Variants in CTXND1 observed in about 807,000 individuals in gnomAD.
The protein encoded by CTXND1 is cortexin domain containing 1, also known as cortexin domain-containing 1 protein.
At chr15:80,225,494 A>G (rs953742253) in intron 1 of CTXND1, among the ~76,000 whole-genome samples, 5 of 152,210 alleles carry the variant, frequency 3.3e-5, no homozygotes, top group African/African-American at 1.2e-4. Context: ...CAGATAGCGA[A>G]TCTTATGGAT....
intron 1 of CTXND1, among the ~76,000 whole-genome samples, chr15:80,238,492 T>G (rs967362201): frequency 6.6e-6 from 1 of 151,564 alleles, no homozygotes; most frequent in Non-Finnish European, 1.5e-5. Flanking sequence ...GTTTGTTTTT[T>G]TTTTTTTTTT....
At chr15:80,226,594 T>A (rs769657509) in intron 1 of CTXND1, among the ~76,000 whole-genome samples, 43 of 152,038 alleles carry the variant, frequency 2.8e-4, no homozygotes, top group Non-Finnish European at 4.9e-4. Context: ...CAAATTGAAT[T>A]CTCCACTTTC....
intron 1 of CTXND1, among the ~76,000 whole-genome samples, chr15:80,229,386 T>C (rs1039200596): frequency 1.3e-5 from 2 of 152,346 alleles, no homozygotes; most frequent in Admixed American, 1.3e-4. Context: ...GCAGTGTGTC[T>C]AAATGTGTGA....
intron 2 of CTXND1, among the ~76,000 whole-genome samples, chr15:80,202,740 C>G (rs983802677): frequency 2.0e-5 from 3 of 152,198 alleles, no homozygotes; most frequent in Admixed American, 6.5e-5. Flanking sequence ...GTCTATATCC[C>G]CTTCCCTGCT....
rs1469893887 is a variant in CTXND1, at chr15:80,220,130, CTATCTATCTATCTATCATCTATCT to C, written c.-217-16414_-217-16391del. 1.4e-3 allele frequency among the ~76,000 whole-genome samples: 158 copies of C among 112,492 alleles called. 1 individual carries two copies. Among genetic ancestry groups the C allele is most frequent in the African/African-American group, 4.5e-3 (131 of 28,850 alleles). 73.8% of individuals were successfully genotyped at this position (112,492 alleles called of 152,430 possible). A position where few individuals can be genotyped will look rare whatever the true frequency, so the allele number is the denominator to read the frequency against. On this transcript the variant is annotated intron_variant, in intron 1 of 2. Coordinates refer to ENST00000560778, the MANE Select transcript of CTXND1 (RefSeq NM_001352888.2). The stretch of plus-strand genomic sequence containing the variant: ...TCTATCTATCTATCTATCTATCTAT[CTATCTATCTATCTATCATCTATCT>C]ATCTATCTATCTATCTATTTATCTA...
intron 1 of CTXND1, among the ~76,000 whole-genome samples, chr15:80,241,355 T>G (rs930696806): frequency 6.6e-6 from 1 of 152,180 alleles, no homozygotes; most frequent in African/African-American, 2.4e-5. Flanking sequence ...ACGCTGGGCT[T>G]CTCAAATGAA....
rs570599234 is a variant in CTXND1 at position 80,226,320 on chromosome 15, C to T, written c.-217-22580G>A. On this transcript the variant is annotated intron_variant, in intron 1 of 2. Coordinates refer to ENST00000560778, the MANE Select transcript of CTXND1 (RefSeq NM_001352888.2). ...TCTGCTGCTGAGGTCTCAGGAGGGT[C>T]TTTTTGCTCAGTTGAAAATATGTTA... Among the ~76,000 whole-genome samples the T allele has an allele frequency of 3.9e-5, 6 of 152,272 alleles. No homozygotes were observed. In the East Asian group the frequency reaches 1.2e-3, roughly 29 times the overall value.
Position 80,239,458 on chromosome 15 carries a change from GC to G in CTXND1, c.-218+12548del, listed in dbSNP as rs1893540193. On this transcript the variant is annotated intron_variant, in intron 1 of 2. Transcript: ENST00000560778. ...AGATCCACCCACAATCTAATCAGCT[GC>G]CAGCGAATATGAAGCAGGCAGAAAA... Among the ~76,000 whole-genome samples the G allele has an allele frequency of 3.9e-5, 6 of 152,340 alleles. No homozygotes were observed. In the South Asian group the frequency reaches 1.2e-3, roughly 32 times the overall value.
chr15:80,250,527 A>G (rs1412062155), intron 1 of CTXND1, among the ~76,000 whole-genome samples: 2 of 152,260 alleles, frequency 1.3e-5, no homozygotes, highest in African/African-American at 2.4e-5. Flanking sequence ...AATCATAAAC[A>G]GTGTTACTGG....
rs34580036 is a variant in CTXND1, at chr15:80,249,513, A to C, written c.-218+2494T>G. Among the ~76,000 whole-genome samples, 618 of 152,352 alleles carry C rather than the reference A, an allele frequency of 4.1e-3. 3 individuals are homozygous for C. The highest frequency in any genetic ancestry group is 0.01 in the Middle Eastern group (3 of 294). ...AATAAACCTGATAATTAAATGATGG[A>C]ATATATAAAATGCTTAGTATATACT... On this transcript the variant is annotated intron_variant, in intron 1 of 2. Coordinates refer to ENST00000560778, the MANE Select transcript of CTXND1 (RefSeq NM_001352888.2).
At chr15:80,245,936 A>C (rs1002798713) in intron 1 of CTXND1, among the ~76,000 whole-genome samples, 5 of 152,202 alleles carry the variant, frequency 3.3e-5, no homozygotes, top group African/African-American at 1.2e-4. Flanking sequence ...CCACTTTTGT[A>C]ATGAAAATCA....
At chr15:80,217,256 CAT>C (rs1194644657) in intron 1 of CTXND1, among the ~76,000 whole-genome samples, 3 of 152,150 alleles carry the variant, frequency 2.0e-5, no homozygotes, top group Non-Finnish European at 4.4e-5. Flanking sequence ...AAAACTCCCA[CAT>C]GAGTTTGCTT....
intron 1 of CTXND1, among the ~76,000 whole-genome samples, chr15:80,216,793 T>C (rs1893259300): frequency 6.6e-6 from 1 of 152,046 alleles, no homozygotes; most frequent in South Asian, 2.1e-4. Context: ...TTTTGTATTT[T>C]TAGTAGAGAT....
At chr15:80,227,933 G>C (rs34765237) in intron 1 of CTXND1, among the ~76,000 whole-genome samples, 14,122 of 152,260 alleles carry the variant, frequency 0.093, 685 homozygotes, top group Middle Eastern at 0.11. Context: ...CTGGTTGTTT[G>C]ACAGCATTTC....
At chr15:80,238,008 C>CAAAA (rs57718635) in intron 1 of CTXND1, among the ~76,000 whole-genome samples, 1,194 of 76,744 alleles carry the variant, frequency 0.016, 55 homozygotes, top group East Asian at 0.051. Flanking sequence ...GACTCCATCT[C>CAAAA]AAAAAAAAAA....
At position 80,250,138 on chromosome 15, in the gene CTXND1, A is replaced by C. The variant is rs534197659; in HGVS notation, c.-218+1869T>G. On this transcript the variant is annotated intron_variant, in intron 1 of 2. Coordinates refer to ENST00000560778, the MANE Select transcript of CTXND1 (RefSeq NM_001352888.2). ...TACACACAAACTATTTTAGGGTTGC[A>C]GATTTTGAGTCTGTGCTGTAATAGT... Among the ~76,000 whole-genome samples the C allele has an allele frequency of 3.3e-5, 5 of 152,368 alleles. No individual in the cohort carries two copies. In the South Asian group the frequency reaches 1.0e-3, roughly 32 times the overall value.
chr15:80,221,400 T>C (rs1893317199), intron 1 of CTXND1, among the ~76,000 whole-genome samples: 1 of 152,150 alleles, frequency 6.6e-6, no homozygotes, highest in Non-Finnish European at 1.5e-5. Flanking sequence ...TGTAAAGAAA[T>C]ATTACTAATC....
chr15:80,211,153 C>T (rs561972053), intron 1 of CTXND1, among the ~76,000 whole-genome samples: 1 of 152,174 alleles, frequency 6.6e-6, no homozygotes, highest in East Asian at 1.9e-4. Flanking sequence ...ACCTGTTAGG[C>T]CGGCTCACAG....
chr15:80,228,310 C>T (rs1358297861), intron 1 of CTXND1, among the ~76,000 whole-genome samples: 1 of 152,216 alleles, frequency 6.6e-6, no homozygotes, highest in East Asian at 1.9e-4. Flanking sequence ...TTCCATGAAT[C>T]ATGAATGTTC....
Sources: allele counts gnomAD v4.1 joint callset (sites outside exome capture counted in the v4.1 genomes callset), GRCh38; gene constraint gnomAD v4.1.1; transcripts MANE v1.5; gene names NCBI Gene and HGNC (gene_info 2026-07-23, HGNC 2026-07-21).